CNTNAP4: variants seen among roughly 807,000 people sequenced by gnomAD.
The protein encoded by CNTNAP4 is contactin associated protein family member 4, also known as contactin-associated protein-like 4.
In CNTNAP4, 98 loss-of-function variants were observed where a neutral mutation model predicts 148.4. The ratio of observed to expected loss-of-function variants is 0.66; its 90% confidence interval spans 0.56 to 0.78. The LOEUF is 0.78. Ranked by LOEUF, CNTNAP4 falls within the 30% of genes least tolerant of loss-of-function variation. The pLI, the probability that CNTNAP4 is intolerant of heterozygous loss-of-function variation, is 0.00. For missense variants in CNTNAP4, 1,935 were observed against 1,565.6 expected (o/e 1.24, Z -3.98); for synonymous variants, 730 against 565.1 (o/e 1.29, Z -4.14).
chr16:76,436,627 C>T (rs1485056978), intron 4 of CNTNAP4, among the ~76,000 whole-genome samples: 1 of 152,064 alleles, frequency 6.6e-6, no homozygotes, highest in Non-Finnish European at 1.5e-5. Flanking sequence ...TGAGGAGCAA[C>T]CAACCAGCTT....
rs1262542042 is a variant in CNTNAP4, at chr16:76,385,671, T to C, written c.390+30160T>C. Reference sequence around the variant, plus strand: ...TAGAGAGTAGTGGGTAAATACACAATTAGAGTCCCGTGAGCCTCTGACTGC... The same window carrying C: ...TAGAGAGTAGTGGGTAAATACACAACTAGAGTCCCGTGAGCCTCTGACTGC... On this transcript the variant is annotated intron_variant, in intron 3 of 23. Transcript: ENST00000611870. Among the ~76,000 whole-genome samples the C allele has an allele frequency of 2.0e-5, 3 of 152,100 alleles. No individual in the cohort carries two copies. The South Asian group carries it at 6.2e-4, about 32-fold the overall frequency.
intron 9 of CNTNAP4, among the ~76,000 whole-genome samples, chr16:76,464,192 G>A (rs917638235): frequency 4.5e-4 from 69 of 152,206 alleles, no homozygotes; most frequent in African/African-American, 1.5e-3. Context: ...CCACTTAGGG[G>A]TTTTGGGCTG....
intron 10 of CNTNAP4, among the ~76,000 whole-genome samples, chr16:76,474,687 C>A (rs528978740): frequency 1.3e-5 from 2 of 152,196 alleles, no homozygotes; most frequent in East Asian, 3.9e-4. Flanking sequence ...TAAAAGGCAT[C>A]AAAAATCTGA....
chr16:76,346,777 G>A (rs1964936960), intron 2 of CNTNAP4, among the ~76,000 whole-genome samples: 1 of 152,234 alleles, frequency 6.6e-6, no homozygotes, highest in Admixed American at 6.5e-5. Flanking sequence ...GGGAAACTTG[G>A]CTGTCATAAA....
At chr16:76,306,932 C>G (rs980581608) in intron 1 of CNTNAP4, among the ~76,000 whole-genome samples, 4 of 152,094 alleles carry the variant, frequency 2.6e-5, no homozygotes, top group Non-Finnish European at 5.9e-5. Flanking sequence ...TATCAGACCT[C>G]GGGAAGTACC....
chr16:76,286,161 A>C (rs1014109174), intron 1 of CNTNAP4, among the ~76,000 whole-genome samples: 5 of 147,838 alleles, frequency 3.4e-5, no homozygotes, highest in African/African-American at 1.3e-4. Context: ...TGAGTTGCTG[A>C]GATAGAATTA....
At chr16:76,339,153 T>A (rs1437901737) in intron 2 of CNTNAP4, among the ~76,000 whole-genome samples, 1 of 151,710 alleles carries the variant, frequency 6.6e-6, no homozygotes, top group Non-Finnish European at 1.5e-5. Context: ...TATGCTTTGC[T>A]ATGAAAGGTG....
chr16:76,486,538 C>T (rs2082033860), intron 12 of CNTNAP4, among the ~76,000 whole-genome samples: 1 of 151,954 alleles, frequency 6.6e-6, no homozygotes, highest in Admixed American at 6.6e-5. Context: ...GGAAACAGTG[C>T]CTGTATTTCT....
chr16:76,317,734 T>C (rs1310845033), intron 2 of CNTNAP4, among the ~76,000 whole-genome samples: 1 of 152,164 alleles, frequency 6.6e-6, no homozygotes, highest in Non-Finnish European at 1.5e-5. Context: ...TGTATGTGTG[T>C]GTGTATTTTG....
At chr16:76,293,415 T>A (rs139881607) in intron 1 of CNTNAP4, among the ~76,000 whole-genome samples, 3 of 152,314 alleles carry the variant, frequency 2.0e-5, no homozygotes, top group Non-Finnish European at 4.4e-5. Context: ...AACAAAGCAA[T>A]GTGATCGTAA....
At chr16:76,355,273 A>G in intron 2 of CNTNAP4, 45 bp from the exon 3 acceptor site, 4 of 1,413,804 alleles carry the variant, frequency 2.8e-6, no homozygotes, top group Non-Finnish European at 3.8e-6. Context: ...ATTTTTAACT[A>G]ACTTTCCTTT....
At chr16:76,307,518 A>AT (rs1960613685) in intron 1 of CNTNAP4, among the ~76,000 whole-genome samples, 6 of 117,412 alleles carry the variant, frequency 5.1e-5, no homozygotes, top group African/African-American at 2.4e-4. Flanking sequence ...ATATATATAT[A>AT]TATATATATA....
chr16:76,550,956 A>G (rs536487803), intron 21 of CNTNAP4, among the ~76,000 whole-genome samples: 8 of 152,302 alleles, frequency 5.3e-5, no homozygotes, highest in Admixed American at 1.3e-4. Context: ...ACATGGCTCA[A>G]TACCAGATCC....
chr16:76,300,016 G>C (rs1214678026), intron 1 of CNTNAP4, among the ~76,000 whole-genome samples: 1 of 151,902 alleles, frequency 6.6e-6, no homozygotes, highest in Non-Finnish European at 1.5e-5. Context: ...AGTGGGGAGG[G>C]ATAGCATTAG....
chr16:76,383,939 A>G (rs1186469300), intron 3 of CNTNAP4, among the ~76,000 whole-genome samples: 1 of 152,180 alleles, frequency 6.6e-6, no homozygotes, highest in Non-Finnish European at 1.5e-5. Flanking sequence ...CCATAATAAA[A>G]ATGTTAATGA....
chr16:76,314,417 C>T (rs187385504), intron 1 of CNTNAP4, among the ~76,000 whole-genome samples: 17 of 152,236 alleles, frequency 1.1e-4, no homozygotes, highest in African/African-American at 2.9e-4. Flanking sequence ...AGGAATAATG[C>T]GGTCACCCTT....
chr16:76,368,923 A>G (rs1270910199), intron 3 of CNTNAP4, among the ~76,000 whole-genome samples: 1 of 152,194 alleles, frequency 6.6e-6, no homozygotes, highest in Non-Finnish European at 1.5e-5. Flanking sequence ...TGGTTACTGG[A>G]TTAGACAGAA....
At chr16:76,413,818 G>T (rs2078885206) in intron 3 of CNTNAP4, among the ~76,000 whole-genome samples, 1 of 150,876 alleles carries the variant, frequency 6.6e-6, no homozygotes, top group South Asian at 2.1e-4. Flanking sequence ...TATTTTATTA[G>T]TTTTTTACAG....
chr16:76,303,442 GACTT>G (rs1960182301), intron 1 of CNTNAP4, among the ~76,000 whole-genome samples: 1 of 152,134 alleles, frequency 6.6e-6, no homozygotes, highest in South Asian at 2.1e-4. Flanking sequence ...ATTGAATTGA[GACTT>G]ACTCAATTTT....
Sources: gnomAD v4.1 joint callset for allele counts (sites outside exome capture counted in the v4.1 genomes callset) on GRCh38, gnomAD v4.1.1 for gene constraint, MANE v1.5 for transcripts, NCBI Gene and HGNC (gene_info 2026-07-23, HGNC 2026-07-21) for gene names.